The following NEK11 variants were observed in gnomAD, a reference collection of about 807,000 sequenced individuals.
The protein encoded by NEK11 is serine/threonine-protein kinase Nek11.
In NEK11, 72 loss-of-function variants were observed where a neutral mutation model predicts 80.7. That is an observed-to-expected ratio of 0.89 (90% CI 0.74 to 1.08). NEK11 has a LOEUF of 1.08. NEK11 is among the 50% of genes least tolerant of loss of function. The pLI, the probability that NEK11 is intolerant of heterozygous loss-of-function variation, is 0.00. For missense variants in NEK11, 764 were observed against 763.6 expected, an observed-to-expected ratio of 1.00 and a Z score of -0.01; for synonymous variants, 251 against 260.7, an observed-to-expected ratio of 0.96 and a Z score of 0.36.
At chr3:131,332,556 G>C (rs2097108887) in intron 17 of NEK11, among the ~76,000 whole-genome samples, 1 of 152,232 alleles carries the variant, frequency 6.6e-6, no homozygotes, top group Admixed American at 6.5e-5. Flanking sequence ...AAAAAACAGA[G>C]CGCCTCTCCT....
At chr3:131,138,761 A>G (rs781518519) in intron 7 of NEK11, among the ~76,000 whole-genome samples, 13 of 152,204 alleles carry the variant, frequency 8.5e-5, no homozygotes, top group Non-Finnish European at 1.6e-4. Flanking sequence ...ATTATTCTGC[A>G]TGTTATCTAA....
chr3:131,201,640 A>G (rs909259630), intron 14 of NEK11, among the ~76,000 whole-genome samples: 2 of 152,114 alleles, frequency 1.3e-5, no homozygotes, highest in Non-Finnish European at 2.9e-5. Context: ...TGTGTAAGTA[A>G]ATTTAGGTTG....
intron 16 of NEK11, among the ~76,000 whole-genome samples, chr3:131,247,041 G>A (rs1561183098): frequency 6.6e-6 from 1 of 152,042 alleles, no homozygotes; most frequent in African/African-American, 2.4e-5. Context: ...TGTATAGATT[G>A]TAAAGGTTTT....
At chr3:131,295,365 C>T (rs2096582714) in intron 17 of NEK11, among the ~76,000 whole-genome samples, 1 of 151,868 alleles carries the variant, frequency 6.6e-6, no homozygotes, top group Non-Finnish European at 1.5e-5. Flanking sequence ...ATTTGAAATG[C>T]TCCAATGAGT....
At chr3:131,313,704 G>A (rs1294431773) in intron 17 of NEK11, among the ~76,000 whole-genome samples, 1 of 152,018 alleles carries the variant, frequency 6.6e-6, no homozygotes, top group East Asian at 1.9e-4. Context: ...ATGTCTCCAT[G>A]CAAAATTTTG....
chr3:131,034,625 G>C (rs1243585616), intron 3 of NEK11, among the ~76,000 whole-genome samples: 1 of 152,152 alleles, frequency 6.6e-6, no homozygotes, highest in Non-Finnish European at 1.5e-5. Flanking sequence ...CTGACCTTGT[G>C]ATCCACTTGC....
At chr3:131,265,146 CAT>C (rs1167522868) in intron 16 of NEK11, among the ~76,000 whole-genome samples, 10 of 152,306 alleles carry the variant, frequency 6.6e-5, no homozygotes, top group African/African-American at 2.2e-4. Flanking sequence ...AATATAGACT[CAT>C]GTGATCTGCA....
intron 14 of NEK11, among the ~76,000 whole-genome samples, chr3:131,223,944 G>A (rs1440761415): frequency 6.6e-6 from 1 of 152,032 alleles, no homozygotes; most frequent in Non-Finnish European, 1.5e-5. Flanking sequence ...TTTTAAACTT[G>A]AGTATATATT....
intron 17 of NEK11, among the ~76,000 whole-genome samples, chr3:131,333,187 GA>G (rs1169389109): frequency 1.3e-5 from 2 of 152,120 alleles, no homozygotes; most frequent in African/African-American, 4.8e-5. Context: ...AAGTTGAAAT[GA>G]AGGAAAAAAT....
chr3:131,348,848 C>T (rs572679665), intron 17 of NEK11, among the ~76,000 whole-genome samples: 11 of 152,106 alleles, frequency 7.2e-5, no homozygotes, highest in African/African-American at 1.7e-4. Flanking sequence ...TTGCCTCCTT[C>T]GTACAGCTGT....
At chr3:131,194,266 G>A (rs142615496) in intron 14 of NEK11, among the ~76,000 whole-genome samples, 16 of 152,028 alleles carry the variant, frequency 1.1e-4, no homozygotes, top group East Asian at 3.9e-4. Flanking sequence ...ATTTTTAGTC[G>A]AATAGCTTAT....
chr3:131,086,810 A>G (rs1423452318), intron 4 of NEK11, among the ~76,000 whole-genome samples: 3 of 152,148 alleles, frequency 2.0e-5, no homozygotes, highest in Non-Finnish European at 4.4e-5. Flanking sequence ...ATTCACATAA[A>G]CTATTTGTAC....
At chr3:131,160,201 G>GTTT (rs2091344920) in intron 10 of NEK11, among the ~76,000 whole-genome samples, 1 of 152,160 alleles carries the variant, frequency 6.6e-6, no homozygotes, top group Admixed American at 6.5e-5. Flanking sequence ...CACATACAAA[G>GTTT]GGAAGCCCAT....
intron 5 of NEK11, among the ~76,000 whole-genome samples, chr3:131,122,123 G>C (rs1384637816): frequency 2.0e-5 from 3 of 152,132 alleles, no homozygotes; most frequent in African/African-American, 7.2e-5. Flanking sequence ...CCTCCTCCCT[G>C]TTGTGTTTTT....
At position 131,080,472 on chromosome 3, in the gene NEK11, G is replaced by C. The variant is rs1358305805; in HGVS notation, c.220G>C (p.Val74Leu). The C allele has an allele frequency of 6.2e-7, 1 of 1,613,922 alleles. No homozygotes were observed. Among genetic ancestry groups the C allele is most frequent in the South Asian group, 1.1e-5 (1 of 91,026 alleles). ...TGGAGAACTAAATCCAAATGAAACT[G>C]TACAGGCCAATTTGGAAGCCCAACT... The part of the protein sequence containing the change: ...SVGELNPNET[V>L]QANLEAQLLS... Residue 74 changes from valine to leucine, a missense_variant, in exon 4 of 18, where the codon GTA becomes CTA. Physicochemically the swap from Val to Leu is conservative, Grantham distance 32 (BLOSUM62 1). Transcript: ENST00000383366.
chr3:131,337,919 T>C (rs1262650528), intron 17 of NEK11, among the ~76,000 whole-genome samples: 3 of 152,138 alleles, frequency 2.0e-5, no homozygotes, highest in Non-Finnish European at 2.9e-5. Flanking sequence ...CATTAAAAAA[T>C]AGATATCAAG....
At chr3:131,220,773 T>C (rs905866392) in intron 14 of NEK11, among the ~76,000 whole-genome samples, 4 of 152,138 alleles carry the variant, frequency 2.6e-5, no homozygotes, top group Non-Finnish European at 5.9e-5. Flanking sequence ...AGAGGCAGGG[T>C]GTCCGGGGCA....
intron 17 of NEK11, among the ~76,000 whole-genome samples, chr3:131,323,245 A>G (rs1420948839): frequency 6.6e-6 from 1 of 152,244 alleles, no homozygotes; most frequent in Non-Finnish European, 1.5e-5. Context: ...TTCTAGGCAA[A>G]AAGCTTTAGC....
intron 16 of NEK11, among the ~76,000 whole-genome samples, chr3:131,259,070 T>A (rs904891737): frequency 6.6e-6 from 1 of 152,208 alleles, no homozygotes; most frequent in Non-Finnish European, 1.5e-5. Context: ...ATGAGGCAAC[T>A]GAGTCACAGA....
Sources: gnomAD v4.1 joint callset for allele counts (sites outside exome capture counted in the v4.1 genomes callset) on GRCh38, gnomAD v4.1.1 for gene constraint, MANE v1.5 for transcripts, NCBI Gene and HGNC (gene_info 2026-07-23, HGNC 2026-07-21) for gene names.